Variants in LRBA observed in about 807,000 individuals in gnomAD.
The protein encoded by LRBA is lipopolysaccharide-responsive and beige-like anchor protein.
LRBA carries 176 observed loss-of-function variants against 330.0 expected under a neutral mutation model. The observed-to-expected ratio is 0.53, with a 90% CI of 0.47 to 0.60. LRBA has a LOEUF of 0.60. LRBA is among the 20% of genes least tolerant of loss of function. LRBA has a pLI of 0.00. For synonymous variants in LRBA, 1,230 were observed against 1,193.0 expected, an observed-to-expected ratio of 1.03 and a Z score of -0.64; for missense variants, 3,259 against 3,444.8, an observed-to-expected ratio of 0.95 and a Z score of 1.35.
intron 34 of LRBA, among the ~76,000 whole-genome samples, chr4:150,777,329 C>CT (rs1250951038): frequency 6.6e-6 from 1 of 151,650 alleles, no homozygotes; most frequent in Non-Finnish European, 1.5e-5. Context: ...TAATACTACC[C>CT]TTTTTTATAA....
intron 15 of LRBA, among the ~76,000 whole-genome samples, chr4:150,896,877 AT>A (rs2127117243): frequency 6.6e-6 from 1 of 152,092 alleles, no homozygotes; most frequent in Non-Finnish European, 1.5e-5. Flanking sequence ...GTACCTAAAA[AT>A]TAAATAGTAA....
chr4:150,560,848 T>C (rs963977782), intron 40 of LRBA, among the ~76,000 whole-genome samples: 1 of 152,034 alleles, frequency 6.6e-6, no homozygotes, highest in Non-Finnish European at 1.5e-5. Flanking sequence ...TAGTCGGGCA[T>C]GGTGGCACAT....
intron 36 of LRBA, among the ~76,000 whole-genome samples, chr4:150,720,046 A>ATTCTACAAAGATATCCTCTT (rs1728725496): frequency 6.6e-6 from 1 of 152,178 alleles, no homozygotes; most frequent in African/African-American, 2.4e-5. Flanking sequence ...GATAGGCCAT[A>ATTCTACAAAGATATCCTCTT]GGATATTCTA....
intron 36 of LRBA, among the ~76,000 whole-genome samples, chr4:150,704,570 T>C (rs557612267): frequency 1.3e-5 from 2 of 152,238 alleles, no homozygotes; most frequent in South Asian, 2.1e-4. Flanking sequence ...TTCATTTATA[T>C]AATAGTGCCA....
At chr4:150,654,964 T>C (rs1004173002) in intron 37 of LRBA, among the ~76,000 whole-genome samples, 7 of 152,164 alleles carry the variant, frequency 4.6e-5, no homozygotes, top group African/African-American at 1.7e-4. Context: ...TTGGGTTGGT[T>C]CCAAGTCTTT....
chr4:150,599,158 TG>T, intron 37 of LRBA, 27 bp from the exon 38 acceptor site: 1 of 1,612,264 alleles, frequency 6.2e-7, no homozygotes, highest in Non-Finnish European at 8.5e-7. Flanking sequence ...AAGCCACATA[TG>T]TTAGCAATTA....
At chr4:150,681,386 T>C (rs1294159542) in intron 37 of LRBA, among the ~76,000 whole-genome samples, 1 of 152,188 alleles carries the variant, frequency 6.6e-6, no homozygotes, top group Admixed American at 6.5e-5. Context: ...AGCTACATTT[T>C]CTTACATGGA....
chr4:150,682,284 T>A (rs1326417609), intron 37 of LRBA, among the ~76,000 whole-genome samples: 1 of 152,150 alleles, frequency 6.6e-6, no homozygotes, highest in Non-Finnish European at 1.5e-5. Context: ...TCCATTCTCC[T>A]CGCCATGGGC....
In LRBA at chr4:150,831,966, T is replaced by G; in HGVS notation, c.4580A>C (p.Lys1527Thr). The change falls in exon 29 of 57, where the codon AAA (lysine) becomes ACA (threonine). Residue 1527 changes from lysine to threonine, a missense_variant. Coordinates refer to ENST00000651943, the MANE Select transcript of LRBA (RefSeq NM_001364905.1). ...TGCCAAGGCTAAAAATTGAGCTTGT[T>G]TGCTATCCTCCTGGGAAAAAAAATT... is the stretch of plus-strand genomic sequence containing the variant. ...AVVFRDIEDS[K>T]QAQFLALAVV... 1 of 1,512,134 alleles carries G rather than the reference T, an allele frequency of 6.6e-7. No homozygotes were observed. Among genetic ancestry groups the G allele is most frequent in the Non-Finnish European group, 8.9e-7 (1 of 1,122,816 alleles). The allele number at this position is 1,512,134 out of a possible 1,614,324, so 93.7% of individuals were successfully genotyped here. A position where few individuals can be genotyped will look rare whatever the true frequency, so the allele number is the denominator to read the frequency against.
intron 37 of LRBA, among the ~76,000 whole-genome samples, chr4:150,619,179 G>A (rs1326675663): frequency 6.6e-6 from 1 of 152,068 alleles, no homozygotes; most frequent in Non-Finnish European, 1.5e-5. Context: ...TCTCATATCA[G>A]GATGAAGTCT....
In LRBA at chr4:150,539,850, T is replaced by C. The variant is rs184734399; in HGVS notation, c.6330+48198A>G. On this transcript the variant is annotated intron_variant, in intron 40 of 56. Coordinates refer to ENST00000651943, the MANE Select transcript of LRBA (RefSeq NM_001364905.1). ...TTACTTTGTCAGTACTGAAACTGTA[T>C]ATTTTATCAGAAATAAAATTCTAGG... Among the ~76,000 whole-genome samples, 15 of 152,362 alleles carry C rather than the reference T, an allele frequency of 9.8e-5. No individual in the cohort carries two copies. The East Asian group carries it at 2.7e-3, about 27-fold the overall frequency.
intron 37 of LRBA, among the ~76,000 whole-genome samples, chr4:150,602,594 C>T (rs1298632758): frequency 1.3e-5 from 2 of 152,072 alleles, no homozygotes; most frequent in Non-Finnish European, 2.9e-5. Flanking sequence ...AAAAATGAGG[C>T]CGGCTTTGTC....
At chr4:150,829,185 C>T (rs1041819827) in intron 29 of LRBA, among the ~76,000 whole-genome samples, 1 of 152,108 alleles carries the variant, frequency 6.6e-6, no homozygotes, top group African/African-American at 2.4e-5. Context: ...ATCTACCTGC[C>T]TCGGCCTCCC....
At chr4:150,380,184 A>AC in intron 47 of LRBA, among the ~76,000 whole-genome samples, 1 of 151,510 alleles carries the variant, frequency 6.6e-6, no homozygotes, top group East Asian at 1.9e-4. Context: ...TGTCTCAAAA[A>AC]AACAAAACAA....
chr4:150,836,024 T>C (rs1748002317), intron 28 of LRBA, among the ~76,000 whole-genome samples: 1 of 152,174 alleles, frequency 6.6e-6, no homozygotes, highest in African/African-American at 2.4e-5. Context: ...CTGTTGAATT[T>C]TGTCAATGGC....
intron 47 of LRBA, among the ~76,000 whole-genome samples, chr4:150,352,925 T>A (rs1737370108): frequency 6.6e-6 from 1 of 152,208 alleles, no homozygotes; most frequent in Non-Finnish European, 1.5e-5. Flanking sequence ...ACCATACACT[T>A]AAATGGCAAT....
chr4:150,392,426 A>C (rs1028099212), intron 47 of LRBA, among the ~76,000 whole-genome samples: 1 of 152,180 alleles, frequency 6.6e-6, no homozygotes, highest in Non-Finnish European at 1.5e-5. Context: ...GTTTCTTCTT[A>C]TAAGAGCACT....
chr4:150,741,713 T>C (rs561121765), intron 35 of LRBA, among the ~76,000 whole-genome samples: 47 of 152,226 alleles, frequency 3.1e-4, no homozygotes, highest in Non-Finnish European at 3.4e-4. Context: ...CATAACAATA[T>C]GAATTTCACT....
chr4:150,576,164 T>TAAAAAA (rs33976355), intron 40 of LRBA, among the ~76,000 whole-genome samples: 1 of 142,830 alleles, frequency 7.0e-6, no homozygotes, highest in African/African-American at 2.6e-5. Flanking sequence ...AACTGGTTTT[T>TAAAAAA]AAAAAAAAAA....
Sources: gnomAD v4.1 joint callset for allele counts (sites outside exome capture counted in the v4.1 genomes callset) on GRCh38, gnomAD v4.1.1 for gene constraint, MANE v1.5 for transcripts, NCBI Gene and HGNC (gene_info 2026-07-23, HGNC 2026-07-21) for gene names.